ATP9B: variants seen among roughly 807,000 people sequenced by gnomAD.
ATP9B encodes ATPase phospholipid transporting 9B.
ATP9B carries 110 observed loss-of-function variants against 146.1 expected under a neutral mutation model. The ratio of observed to expected loss-of-function variants is 0.75; its 90% CI spans 0.65 to 0.88. ATP9B has a LOEUF of 0.88. ATP9B is among the 40% of genes least tolerant of loss of function. The probability of loss-of-function intolerance (pLI) is 0.00; values close to 1 mark genes in which losing one functional copy is unlikely to be tolerated. For synonymous variants in ATP9B, 604 were observed against 569.7 expected (o/e 1.06, Z -0.86); for missense variants, 1,499 against 1,496.4 (o/e 1.00, Z -0.03).
At chr18:79,236,723 T>C (rs2095844579) in intron 11 of ATP9B, among the ~76,000 whole-genome samples, 1 of 151,546 alleles carries the variant, frequency 6.6e-6, no homozygotes, top group South Asian at 2.1e-4. Flanking sequence ...CAGGAGTCAG[T>C]GTCCACACCT....
At chr18:79,261,965 C>T (rs1010337840) in intron 12 of ATP9B, among the ~76,000 whole-genome samples, 2 of 152,110 alleles carry the variant, frequency 1.3e-5, no homozygotes, top group East Asian at 1.9e-4. Context: ...ACTCACCATC[C>T]GAGTATGTGC....
chr18:79,206,603 TGGGCAG>T (rs1164903404), intron 9 of ATP9B, among the ~76,000 whole-genome samples: 2 of 149,944 alleles, frequency 1.3e-5, no homozygotes, highest in Admixed American at 6.7e-5. Context: ...GAGACCAGCC[TGGGCAG>T]CATAATAACA....
chr18:79,098,025 T>A (rs576594640), intron 2 of ATP9B, among the ~76,000 whole-genome samples: 1 of 152,252 alleles, frequency 6.6e-6, no homozygotes, highest in South Asian at 2.1e-4. Flanking sequence ...AGCATGGTAC[T>A]TGTACCAAAA....
At chr18:79,113,151 T>G in intron 3 of ATP9B, 90 bp from the exon 4 acceptor site, 1 of 656,290 alleles carries the variant, frequency 1.5e-6, no homozygotes, top group Non-Finnish European at 2.7e-6. Flanking sequence ...GGAAATGTGG[T>G]TATATGTTGT....
intron 28 of ATP9B, 39 bp downstream of exon 28, chr18:79,374,140 T>C (rs1344990112): frequency 1.9e-6 from 3 of 1,589,250 alleles, no homozygotes; most frequent in Non-Finnish European, 8.6e-7. Context: ...TCGTTCTCTA[T>C]TCATGATTTT....
rs926555044 is a variant in ATP9B, at chr18:79,110,236, G to C, written c.294-119G>C. On this transcript the variant is annotated intron_variant, in intron 2 of 29. Transcript: ENST00000426216. ...AACCCCACAAATTAGCATTAGGTGTGCTATTAGTGTGTGGTGAATACAGAA... is the reference window on the plus strand; with the variant it reads ...AACCCCACAAATTAGCATTAGGTGTCCTATTAGTGTGTGGTGAATACAGAA... 5 of 913,880 alleles carry C rather than the reference G, an allele frequency of 5.5e-6. No homozygotes were observed. In the African/African-American group the frequency reaches 8.7e-5, roughly 16 times the overall value. 56.6% of individuals were successfully genotyped at this position (913,880 alleles called of 1,614,324 possible).
At chr18:79,319,404 C>T (rs764294799) in intron 15 of ATP9B, among the ~76,000 whole-genome samples, 6 of 151,712 alleles carry the variant, frequency 4.0e-5, no homozygotes, top group Non-Finnish European at 7.4e-5. Context: ...AGAGGAGGGG[C>T]CCCCTCCTCT....
intron 13 of ATP9B, among the ~76,000 whole-genome samples, chr18:79,289,654 C>T (rs909566964): frequency 2.6e-5 from 4 of 152,198 alleles, no homozygotes; most frequent in African/African-American, 4.8e-5. Flanking sequence ...GTTGCTGGTG[C>T]GGAACTGTGT....
intron 26 of ATP9B, among the ~76,000 whole-genome samples, chr18:79,369,536 A>C (rs1216052744): frequency 2.0e-5 from 3 of 150,520 alleles, no homozygotes; most frequent in African/African-American, 7.3e-5. Context: ...CCGTCTCAAA[A>C]AAAAAAAAAA....
At chr18:79,159,458 A>ATAC (rs2094844556) in intron 7 of ATP9B, among the ~76,000 whole-genome samples, 1 of 152,102 alleles carries the variant, frequency 6.6e-6, no homozygotes, top group East Asian at 1.9e-4. Flanking sequence ...AGCTCTGTGA[A>ATAC]TCAGTAGAGT....
intron 13 of ATP9B, among the ~76,000 whole-genome samples, chr18:79,301,293 A>T (rs2096588619): frequency 6.6e-6 from 1 of 152,170 alleles, no homozygotes; most frequent in Non-Finnish European, 1.5e-5. Flanking sequence ...GGAGTTCCAG[A>T]CCAGCCTGGC....
chr18:79,185,028 A>T (rs571073355), intron 8 of ATP9B, among the ~76,000 whole-genome samples: 1 of 152,212 alleles, frequency 6.6e-6, no homozygotes, highest in East Asian at 1.9e-4. Flanking sequence ...ATGTCGGTAC[A>T]TGTTTCCATT....
chr18:79,348,659 G>A (rs1190197120), intron 25 of ATP9B, among the ~76,000 whole-genome samples: 1 of 152,260 alleles, frequency 6.6e-6, no homozygotes. Flanking sequence ...TCCTGGGCAG[G>A]AATGGAATCT....
chr18:79,278,242 C>T (rs565350491), intron 13 of ATP9B, among the ~76,000 whole-genome samples: 123 of 152,294 alleles, frequency 8.1e-4, no homozygotes, highest in African/African-American at 1.1e-3. Context: ...GGCACACAGA[C>T]GGTCCGCAGC....
intron 5 of ATP9B, among the ~76,000 whole-genome samples, chr18:79,137,639 T>G (rs753030791): frequency 3.9e-5 from 6 of 152,200 alleles, no homozygotes; most frequent in Non-Finnish European, 5.9e-5. Context: ...ACACTCAGTT[T>G]TTCTCAGCAT....
chr18:79,310,787 GTTTT>G (rs58315954), intron 15 of ATP9B, among the ~76,000 whole-genome samples: 32 of 151,260 alleles, frequency 2.1e-4, no homozygotes, highest in East Asian at 7.8e-4. Flanking sequence ...ACTTCCAGGG[GTTTT>G]TTTTTGTTTC....
chr18:79,351,936 T>C (rs1013602108), intron 25 of ATP9B, among the ~76,000 whole-genome samples: 2 of 152,070 alleles, frequency 1.3e-5, no homozygotes, highest in African/African-American at 4.8e-5. Flanking sequence ...GCCTGGGGAA[T>C]GCCATGCCCT....
At chr18:79,195,436 A>C (rs1456258187) in intron 9 of ATP9B, among the ~76,000 whole-genome samples, 2 of 152,196 alleles carry the variant, frequency 1.3e-5, no homozygotes, top group Admixed American at 6.5e-5. Flanking sequence ...TTAACAGAAG[A>C]AAACATAAGT....
intron 26 of ATP9B, 172 bp downstream of exon 26, chr18:79,359,634 G>C: frequency 1.7e-6 from 1 of 598,938 alleles, no homozygotes; most frequent in Non-Finnish European, 3.0e-6. Flanking sequence ...TTTTCTCTTT[G>C]AGTTAAACTT....
Sources: gnomAD v4.1 joint callset for allele counts (sites outside exome capture counted in the v4.1 genomes callset) on GRCh38, gnomAD v4.1.1 for gene constraint, MANE v1.5 for transcripts, NCBI Gene and HGNC (gene_info 2026-07-23, HGNC 2026-07-21) for gene names.